Variants in CHCHD6 observed in about 807,000 individuals in gnomAD.
CHCHD6 encodes the protein coiled-coil-helix-coiled-coil-helix domain containing 6.
Under a neutral mutation model 32.3 loss-of-function variants are expected in CHCHD6, and 28 were observed. That is an observed-to-expected ratio of 0.87 (90% confidence interval 0.64 to 1.19). CHCHD6 has a LOEUF of 1.19. Ranked by LOEUF, CHCHD6 falls within the 50% of genes most tolerant of loss-of-function variation. The pLI, the probability that CHCHD6 is intolerant of heterozygous loss-of-function variation, is 0.00. For missense variants in CHCHD6, 333 were observed against 307.0 expected, an observed-to-expected ratio of 1.08 and a Z score of -0.63; for synonymous variants, 122 against 117.5, an observed-to-expected ratio of 1.04 and a Z score of -0.25.
chr3:126,802,009 C>T (rs1051135133), intron 4 of CHCHD6, among the ~76,000 whole-genome samples: 11 of 152,128 alleles, frequency 7.2e-5, no homozygotes, highest in Non-Finnish European at 1.3e-4. Flanking sequence ...GGGTCCTGTC[C>T]GTTAGAAGGA....
intron 5 of CHCHD6, among the ~76,000 whole-genome samples, chr3:126,902,002 C>T (rs367765831): frequency 1.1e-4 from 16 of 152,350 alleles, no homozygotes; most frequent in South Asian, 4.1e-4. Flanking sequence ...GAAACAGGAA[C>T]GCGCAAGTTA....
At chr3:126,805,908 A>G (rs150685985) in intron 4 of CHCHD6, among the ~76,000 whole-genome samples, 16,286 of 152,260 alleles carry the variant, frequency 0.11, 943 homozygotes, top group Middle Eastern at 0.22. Flanking sequence ...CATATCTACA[A>G]CTATTGATCT....
chr3:126,772,336 C>T (rs1002405093), intron 4 of CHCHD6, among the ~76,000 whole-genome samples: 3 of 152,116 alleles, frequency 2.0e-5, no homozygotes, highest in Non-Finnish European at 2.9e-5. Context: ...CTCCTGACCT[C>T]GTCCGCCTGC....
At chr3:126,823,813 G>A (rs1008146734) in intron 4 of CHCHD6, among the ~76,000 whole-genome samples, 3 of 152,144 alleles carry the variant, frequency 2.0e-5, no homozygotes, top group South Asian at 2.1e-4. Flanking sequence ...TTCAGAGGCC[G>A]AGGCAGGAGG....
At chr3:126,707,458 G>A (rs967051411) in intron 1 of CHCHD6, among the ~76,000 whole-genome samples, 2 of 152,136 alleles carry the variant, frequency 1.3e-5, no homozygotes, top group African/African-American at 4.8e-5. Flanking sequence ...GTTTTAACCA[G>A]TACATTTAAC....
chr3:126,713,113 T>A (rs933722886), intron 1 of CHCHD6, among the ~76,000 whole-genome samples: 1 of 152,258 alleles, frequency 6.6e-6, no homozygotes, highest in South Asian at 2.1e-4. Context: ...GACAAATTGT[T>A]CTTTATTAGC....
At chr3:126,736,710 G>C (rs1053537759) in intron 4 of CHCHD6, among the ~76,000 whole-genome samples, 1 of 152,194 alleles carries the variant, frequency 6.6e-6, no homozygotes, top group South Asian at 2.1e-4. Flanking sequence ...GTCAATGTGT[G>C]TTTGCTGTCA....
At chr3:126,923,641 C>T (rs1025369487) in intron 6 of CHCHD6, among the ~76,000 whole-genome samples, 6 of 152,320 alleles carry the variant, frequency 3.9e-5, no homozygotes, top group East Asian at 1.9e-4. Context: ...TTGTGGTAAC[C>T]GAGGGTACAG....
chr3:126,945,747 G>A (rs72982822), intron 6 of CHCHD6, among the ~76,000 whole-genome samples: 4,037 of 149,092 alleles, frequency 0.027, 131 homozygotes, highest in East Asian at 0.13. Flanking sequence ...AGACTCGGGG[G>A]GAGACTTGAG....
chr3:126,754,392 C>A (rs1047331019), intron 4 of CHCHD6, among the ~76,000 whole-genome samples: 2 of 152,172 alleles, frequency 1.3e-5, no homozygotes, highest in Non-Finnish European at 2.9e-5. Flanking sequence ...CAGCAGCTGG[C>A]TCTGTCAGCA....
At chr3:126,846,969 G>C (rs1192890145) in intron 4 of CHCHD6, among the ~76,000 whole-genome samples, 1 of 152,152 alleles carries the variant, frequency 6.6e-6, no homozygotes, top group African/African-American at 2.4e-5. Flanking sequence ...AAGACCATTA[G>C]TATGGGGGCT....
intron 4 of CHCHD6, among the ~76,000 whole-genome samples, chr3:126,823,918 C>T (rs1198335152): frequency 6.6e-6 from 1 of 152,022 alleles, no homozygotes; most frequent in East Asian, 1.9e-4. Context: ...CACACACACA[C>T]ACCCACATTA....
At chr3:126,741,134 A>C (rs906212500) in intron 4 of CHCHD6, among the ~76,000 whole-genome samples, 15 of 152,160 alleles carry the variant, frequency 9.9e-5, no homozygotes, top group Non-Finnish European at 1.5e-4. Context: ...GTATTGGACA[A>C]ACACGGGCTG....
At chr3:126,927,214 G>T (rs966865289) in intron 6 of CHCHD6, among the ~76,000 whole-genome samples, 25 of 152,280 alleles carry the variant, frequency 1.6e-4, no homozygotes, top group African/African-American at 6.0e-4. Flanking sequence ...GCTGGCAAGC[G>T]CAGGGCAGCA....
rs187173632 is a variant in CHCHD6, at chr3:126,778,959, G to T, written c.411+45737G>T. Among the ~76,000 whole-genome samples, 377 of 150,112 alleles carry T rather than the reference G, an allele frequency of 2.5e-3. 1 individual carries two copies. The highest frequency in any genetic ancestry group is 8.7e-3 in the African/African-American group (355 of 40,772). ...TTTTTTTTTTTTTGGTAGAGAGAGG[G>T]TCTCACTATGTTGCCTAGGCTGGTC... On this transcript the variant is annotated intron_variant, in intron 4 of 7. Coordinates refer to ENST00000290913, the MANE Select transcript of CHCHD6 (RefSeq NM_032343.3).
intron 6 of CHCHD6, among the ~76,000 whole-genome samples, chr3:126,945,120 G>C (rs1468162295): frequency 1.3e-5 from 2 of 152,224 alleles, no homozygotes; most frequent in African/African-American, 2.4e-5. Context: ...AGGCTGGGGA[G>C]AAGAGGCCAG....
chr3:126,812,484 C>G (rs897669830), intron 4 of CHCHD6, among the ~76,000 whole-genome samples: 1 of 151,756 alleles, frequency 6.6e-6, no homozygotes, highest in Non-Finnish European at 1.5e-5. Flanking sequence ...AGTGCAGTGG[C>G]GCGATCTCGG....
rs149408756 is a variant in CHCHD6 at position 126,926,401 on chromosome 3, C to T, written c.566+11651C>T. Reference sequence around the variant, plus strand: ...ATACCCCATGACAGATGGTGAGTGCCGCAGCTGTGAATGAGGAAAGCACTC... The same window carrying T: ...ATACCCCATGACAGATGGTGAGTGCTGCAGCTGTGAATGAGGAAAGCACTC... On this transcript the variant is annotated intron_variant, in intron 6 of 7. Transcript: ENST00000290913. 1.8e-4 allele frequency among the ~76,000 whole-genome samples: 28 copies of T among 152,174 alleles called. No individual in the cohort carries two copies. The East Asian group carries it at 3.5e-3, about 19-fold the overall frequency.
At chr3:126,952,279 T>G (rs899302771) in intron 6 of CHCHD6, among the ~76,000 whole-genome samples, 24 of 152,052 alleles carry the variant, frequency 1.6e-4, no homozygotes, top group African/African-American at 5.3e-4. Flanking sequence ...GCTCTGGGTG[T>G]GCAGCTGGAC....
Sources: allele counts gnomAD v4.1 joint callset (sites outside exome capture counted in the v4.1 genomes callset), GRCh38; gene constraint gnomAD v4.1.1; transcripts MANE v1.5; gene names NCBI Gene and HGNC (gene_info 2026-07-23, HGNC 2026-07-21).